Variants in ODAD2 observed in about 807,000 individuals in gnomAD.
ODAD2 encodes the protein outer dynein arm-docking complex subunit 2.
In ODAD2, 89 loss-of-function variants were observed where a neutral mutation model predicts 106.8. The observed-to-expected ratio is 0.83, with a 90% CI of 0.70 to 0.99. ODAD2 has a LOEUF of 0.99. Ranked by LOEUF, ODAD2 falls within the 50% of genes least tolerant of loss-of-function variation. ODAD2 has a pLI of 0.00. For synonymous variants in ODAD2, 404 were observed against 436.2 expected, an observed-to-expected ratio of 0.93 and a Z score of 0.92; for missense variants, 1,168 against 1,238.5, an observed-to-expected ratio of 0.94 and a Z score of 0.85.
chr10:27,985,491 T>C (rs989346745), intron 3 of ODAD2, among the ~76,000 whole-genome samples: 1 of 152,248 alleles, frequency 6.6e-6, no homozygotes, highest in African/African-American at 2.4e-5. Flanking sequence ...CTTTCTTTTT[T>C]AATTGGCCGT....
At chr10:27,972,402 G>A (rs1399198036) in intron 7 of ODAD2, among the ~76,000 whole-genome samples, 1 of 152,050 alleles carries the variant, frequency 6.6e-6, no homozygotes, top group Non-Finnish European at 1.5e-5. Flanking sequence ...AAAACAAGTA[G>A]CAAGATAGTA....
chr10:27,832,572 G>A (rs1837568507), intron 19 of ODAD2, among the ~76,000 whole-genome samples: 2 of 151,808 alleles, frequency 1.3e-5, no homozygotes, highest in South Asian at 4.2e-4. Flanking sequence ...CAATTACTTT[G>A]GTATAGAACT....
chr10:27,917,610 T>C (rs868813344), intron 16 of ODAD2, among the ~76,000 whole-genome samples: 21 of 152,132 alleles, frequency 1.4e-4, no homozygotes, highest in Middle Eastern at 6.8e-3. Flanking sequence ...ATAAAAATGG[T>C]AAACCACTAA....
At chr10:27,845,219 T>A (rs956278772) in intron 19 of ODAD2, among the ~76,000 whole-genome samples, 2 of 152,170 alleles carry the variant, frequency 1.3e-5, no homozygotes, top group African/African-American at 4.8e-5. Context: ...TAACAGAGGA[T>A]CTCTTGGCAG....
chr10:27,930,264 CCA>C (rs1845518948), intron 16 of ODAD2, among the ~76,000 whole-genome samples: 1 of 152,048 alleles, frequency 6.6e-6, no homozygotes, highest in Non-Finnish European at 1.5e-5. Context: ...ATGATTTTGA[CCA>C]GGCATGGTGG....
intron 2 of ODAD2, among the ~76,000 whole-genome samples, chr10:27,988,971 A>G (rs9416763): frequency 0.59 from 90,132 of 151,902 alleles, 27,151 homozygotes; most frequent in African/African-American, 0.7. Context: ...AGGCAGCGAC[A>G]GGGATATGCT....
At chr10:27,858,412 A>G (rs1162736665) in intron 19 of ODAD2, among the ~76,000 whole-genome samples, 34 of 152,108 alleles carry the variant, frequency 2.2e-4, no homozygotes, top group Admixed American at 2.1e-3. Context: ...ACAAAAAAGT[A>G]CCCTGTTCTT....
rs117849570 is a variant in ODAD2, at chr10:27,980,217, T to C, written c.936+1249A>G. Among the ~76,000 whole-genome samples the C allele has an allele frequency of 4.6e-4, 70 of 152,186 alleles. No homozygotes were observed. The East Asian group carries it at 9.7e-3, about 21-fold the overall frequency. On this transcript the variant is annotated intron_variant, in intron 7 of 19. Coordinates refer to ENST00000305242, the MANE Select transcript of ODAD2 (RefSeq NM_018076.5). ...TTAAGAGCTAAAACTATACAATCCT[T>C]AGAGGAAAAACACAGTGCTAAATTT...
intron 1 of ODAD2, among the ~76,000 whole-genome samples, chr10:27,998,029 C>T (rs1850658796): frequency 6.6e-6 from 1 of 152,180 alleles, no homozygotes; most frequent in Non-Finnish European, 1.5e-5. Flanking sequence ...GTTTTTCTTT[C>T]TAAAGGTCAA....
At chr10:27,921,355 C>G (rs906655791) in intron 16 of ODAD2, among the ~76,000 whole-genome samples, 1 of 150,862 alleles carries the variant, frequency 6.6e-6, no homozygotes, top group Non-Finnish European at 1.5e-5. Context: ...TAGGCAGGCA[C>G]TTACTCATGT....
intron 19 of ODAD2, among the ~76,000 whole-genome samples, chr10:27,849,116 G>A (rs544683477): frequency 3.3e-4 from 50 of 152,240 alleles, no homozygotes; most frequent in African/African-American, 9.1e-4. Flanking sequence ...TGTTTACTGC[G>A]TCACTGTTCA....
intron 17 of ODAD2, among the ~76,000 whole-genome samples, chr10:27,875,787 C>T (rs1039720133): frequency 1.3e-5 from 2 of 152,182 alleles, no homozygotes; most frequent in African/African-American, 4.8e-5. Context: ...AGGGAATTCC[C>T]TTTCCTAGCC....
chr10:27,971,817 T>C (rs1588637908), intron 7 of ODAD2, among the ~76,000 whole-genome samples: 1 of 152,102 alleles, frequency 6.6e-6, no homozygotes, highest in African/African-American at 2.4e-5. Context: ...AATTCTTTAC[T>C]AAGAATAAAA....
At chr10:27,998,420 G>A (rs1035858582) in intron 1 of ODAD2, among the ~76,000 whole-genome samples, 4 of 152,220 alleles carry the variant, frequency 2.6e-5, no homozygotes, top group Admixed American at 6.5e-5. Context: ...AAGGGACGGC[G>A]AAAACCACGC....
chr10:27,903,427 A>G (rs1238645938), intron 17 of ODAD2, among the ~76,000 whole-genome samples: 1 of 152,222 alleles, frequency 6.6e-6, no homozygotes, highest in African/African-American at 2.4e-5. Context: ...GCTATTCAAT[A>G]TAGTATTGGA....
At chr10:27,906,988 T>C (rs1044493352) in intron 17 of ODAD2, among the ~76,000 whole-genome samples, 2 of 152,090 alleles carry the variant, frequency 1.3e-5, no homozygotes, top group East Asian at 1.9e-4. Context: ...GTTCTGCACA[T>C]GTATCCCAGA....
intron 7 of ODAD2, among the ~76,000 whole-genome samples, chr10:27,974,124 G>A (rs1849035397): frequency 6.6e-6 from 1 of 152,140 alleles, no homozygotes; most frequent in African/African-American, 2.4e-5. Flanking sequence ...CTTTTTAGTG[G>A]GGTTGTTTGT....
At chr10:27,913,708 C>T (rs1844168551) in intron 16 of ODAD2, among the ~76,000 whole-genome samples, 1 of 152,056 alleles carries the variant, frequency 6.6e-6, no homozygotes, top group African/African-American at 2.4e-5. Context: ...AAGACATACA[C>T]GTGGCCAGCA....
chr10:27,896,983 T>C (rs1842901907), intron 17 of ODAD2, among the ~76,000 whole-genome samples: 1 of 152,154 alleles, frequency 6.6e-6, no homozygotes, highest in South Asian at 2.1e-4. Context: ...CGCCTCTCAG[T>C]GGAAATGGCT....
Sources: gnomAD v4.1 joint callset for allele counts (sites outside exome capture counted in the v4.1 genomes callset) on GRCh38, gnomAD v4.1.1 for gene constraint, MANE v1.5 for transcripts, NCBI Gene and HGNC (gene_info 2026-07-23, HGNC 2026-07-21) for gene names.